The following SKI variants were observed in gnomAD, a reference collection of about 807,000 sequenced individuals.
SKI encodes the protein SKI proto-oncogene.
A neutral mutation model predicts 59.3 loss-of-function variants in SKI; 23 were observed. The observed-to-expected ratio is 0.39, with a 90% CI of 0.28 to 0.55. The LOEUF is 0.55. Ranked by LOEUF, SKI falls within the 20% of genes least tolerant of loss-of-function variation. The pLI is 0.67. For synonymous variants in SKI, 673 were observed against 488.6 expected, an observed-to-expected ratio of 1.38 and a Z score of -4.98; for missense variants, 1,017 against 1,038.9, an observed-to-expected ratio of 0.98 and a Z score of 0.29.
At position 2,229,012 on chromosome 1, in the gene SKI, G is replaced by A. The variant is rs1569657892; in HGVS notation, c.246G>A (p.Pro82=). The A allele has an allele frequency of 6.3e-7, 1 of 1,584,082 alleles. No individual in the cohort carries two copies. Among genetic ancestry groups the A allele is most frequent in the Non-Finnish European group, 8.5e-7 (1 of 1,172,048 alleles). Residue 82 remains proline, a synonymous_variant, in exon 1 of 7, where the codon CCG becomes CCA. Transcript: ENST00000378536. This position sits in a 1 kb window ranked among gnomAD's most constrained non-coding sequence, Gnocchi z 6.3. ...PVLHLPAIQP[P]PPVLPGPFFM... ...TGCACCTGCCCGCCATCCAGCCGCC[G>A]CCGCCCGTGCTGCCCGGGCCCTTCT...
At chr1:2,240,494 G>C in intron 1 of SKI, 1 of 985,440 alleles carries the variant, frequency 1.0e-6, no homozygotes, top group Non-Finnish European at 1.2e-6. Flanking sequence ...AGGTCCCGTG[G>C]GTGGTGGCGG....
chr1:2,304,868 C>T (rs1320536282), intron 5 of SKI, among the ~76,000 whole-genome samples: 3 of 152,220 alleles, frequency 2.0e-5, no homozygotes, highest in Non-Finnish European at 4.4e-5. Flanking sequence ...ACACACCCTG[C>T]GTGGTGGCCC....
Position 2,306,194 on chromosome 1 carries a change from C to G in SKI, c.1942C>G (p.Arg648Gly), listed in dbSNP as rs555623960. The change falls in exon 6 of 7, where the codon CGG becomes GGG. Residue 648 changes from arginine (R) to glycine (G), a missense_variant. Arg to Gly is a moderately radical substitution (Grantham distance 125). Coordinates refer to ENST00000378536, the MANE Select transcript of SKI (RefSeq NM_003036.4). The part of the protein sequence containing the change: ...KRELEQARQA[R>G]VCDKGCEAGR... ...GGAGCTGGAGCAGGCGCGGCAGGCC[C>G]GGGTGTGCGACAAGGGCTGCGAGGC... The G allele has an allele frequency of 6.1e-5, 96 of 1,583,316 alleles. No individual in the cohort carries two copies. The highest frequency in any genetic ancestry group is 1.1e-4 in the Admixed American group (6 of 55,018).
chr1:2,298,280 C>G (rs1424266667), intron 1 of SKI, among the ~76,000 whole-genome samples: 1 of 152,190 alleles, frequency 6.6e-6, no homozygotes, highest in African/African-American at 2.4e-5. Context: ...GCCCTCCTGA[C>G]AGGTTGCTGG....
At chr1:2,264,575 A>G (rs1446054147) in intron 1 of SKI, among the ~76,000 whole-genome samples, 1 of 150,932 alleles carries the variant, frequency 6.6e-6, no homozygotes, top group Non-Finnish European at 1.5e-5. Flanking sequence ...GGCCTGTTTT[A>G]TTTTTTTGTA....
At position 2,275,408 on chromosome 1, in the gene SKI, G is replaced by A. The variant is rs188451462; in HGVS notation, c.970-27570G>A. Among the ~76,000 whole-genome samples the A allele has an allele frequency of 2.6e-3, 393 of 152,362 alleles. 3 individuals are homozygous for A. The highest frequency in any genetic ancestry group is 8.8e-3 in the African/African-American group (367 of 41,594). On this transcript the variant is annotated intron_variant, in intron 1 of 6. Transcript: ENST00000378536. ...GGGGGCTTTTTAGGTGCTCTGAGGC[G>A]ATCTGGGTGTGGCCTGGCCGGTGTG... is the stretch of plus-strand genomic sequence containing the variant.
chr1:2,301,303 G>C (rs1025277272), intron 1 of SKI, among the ~76,000 whole-genome samples: 1 of 152,188 alleles, frequency 6.6e-6, no homozygotes, highest in Non-Finnish European at 1.5e-5. Context: ...CCACATAGAG[G>C]GGGTATTTTC....
Position 2,228,895 on chromosome 1 carries a change from G to T in SKI, c.129G>T (p.Ala43=). 7.0e-7 allele frequency: 1 copy of T among 1,422,160 alleles called. No individual in the cohort carries two copies. The highest frequency in any genetic ancestry group is 9.2e-7 in the Non-Finnish European group (1 of 1,083,604). 88.1% of individuals were successfully genotyped at this position (1,422,160 alleles called of 1,614,324 possible). A position where few individuals can be genotyped will look rare whatever the true frequency, so the allele number is the denominator to read the frequency against. Residue 43 remains alanine (A), a synonymous_variant, in exon 1 of 7, where the codon GCG becomes GCT. Coordinates refer to ENST00000378536, the MANE Select transcript of SKI (RefSeq NM_003036.4). ...GGPAAFSARW[A]QEAYKKESAK... The stretch of plus-strand genomic sequence containing the variant: ...CGGCCGCTTTCTCGGCGCGCTGGGC[G>T]CAGGAGGCCTACAAGAAGGAGAGCG...
At chr1:2,305,010 C>T (rs1326633738) in intron 5 of SKI, among the ~76,000 whole-genome samples, 1 of 152,230 alleles carries the variant, frequency 6.6e-6, no homozygotes, top group Non-Finnish European at 1.5e-5. Flanking sequence ...TTCACGCGCT[C>T]CGCCAGCAAG....
chr1:2,306,629 T>C lies in SKI; in HGVS notation c.2051T>C (p.Leu684Pro). 1 of 1,544,684 alleles carries C rather than the reference T, an allele frequency of 6.5e-7. No homozygotes were observed. Among genetic ancestry groups the C allele is most frequent in the Non-Finnish European group, 8.7e-7 (1 of 1,145,368 alleles). The part of the protein sequence containing the change: ...LQHAEADREQ[L>P]RADLLREREA... ...CACGCGGAGGCGGACCGGGAGCAGC[T>C]GCGGGCCGACCTGCTGCGGGAGCGC... The change falls in exon 7 of 7, where the codon CTG (leucine) becomes CCG (proline). Residue 684 changes from leucine to proline, a missense_variant. Transcript: ENST00000378536.
intron 1 of SKI, among the ~76,000 whole-genome samples, chr1:2,262,586 C>T (rs1214736992): frequency 6.6e-6 from 1 of 152,210 alleles, no homozygotes; most frequent in Non-Finnish European, 1.5e-5. Flanking sequence ...CGTGGACGCC[C>T]TTGCTCCTGA....
chr1:2,296,146 A>G (rs940138371), intron 1 of SKI, among the ~76,000 whole-genome samples: 2 of 151,982 alleles, frequency 1.3e-5, no homozygotes, highest in African/African-American at 2.4e-5. Flanking sequence ...TGGGAGGCCA[A>G]GGTGGGCAGA....
In SKI at chr1:2,229,854, C is replaced by A. The variant is rs2100791526; in HGVS notation, c.969+119C>A. ...GTGCTTCTGCCGTGCCCCATGTCTC[C>A]AGTCTTCGCTTTGTTTTAGGGAAAT... is the stretch of plus-strand genomic sequence containing the variant. On this transcript the variant is annotated intron_variant, in intron 1 of 6. Transcript: ENST00000378536. This position sits in a 1 kb window ranked among gnomAD's most constrained non-coding sequence, Gnocchi z 6.3. 1 of 1,506,070 alleles carries A rather than the reference C, an allele frequency of 6.6e-7. No homozygotes were observed. Among genetic ancestry groups the A allele is most frequent in the Middle Eastern group, 1.9e-4 (1 of 5,374 alleles). 93.3% of individuals were successfully genotyped at this position (1,506,070 alleles called of 1,614,324 possible).
chr1:2,292,221 C>T (rs1033731770), intron 1 of SKI, among the ~76,000 whole-genome samples: 8 of 152,224 alleles, frequency 5.3e-5, no homozygotes, highest in African/African-American at 1.9e-4. Context: ...CCTTGCCCTG[C>T]TCAGGGCTGC....
intron 1 of SKI, among the ~76,000 whole-genome samples, chr1:2,285,720 T>C (rs577031614): frequency 2.7e-5 from 4 of 146,326 alleles, no homozygotes; most frequent in Non-Finnish European, 6.0e-5. Context: ...CCCGCCACCA[T>C]GCCCAGCCAA....
chr1:2,275,061 G>A (rs1304339162), intron 1 of SKI, among the ~76,000 whole-genome samples: 1 of 152,158 alleles, frequency 6.6e-6, no homozygotes, highest in Non-Finnish European at 1.5e-5. Context: ...ACAGGGGGTG[G>A]CACCAGGTGT....
Position 2,306,431 on chromosome 1 carries a change from G to A in SKI, c.1999-146G>A, listed in dbSNP as rs1640581623. The A allele has an allele frequency of 1.4e-5, 14 of 1,000,458 alleles. No individual in the cohort carries two copies. In the South Asian group the frequency reaches 2.3e-4, roughly 16 times the overall value. 62.0% of individuals were successfully genotyped at this position (1,000,458 alleles called of 1,614,324 possible). On this transcript the variant is annotated intron_variant, in intron 6 of 6. Coordinates refer to ENST00000378536, the MANE Select transcript of SKI (RefSeq NM_003036.4). ...GGTTGCTGGGCCCTGCGTCTCGTGA[G>A]CCTGTGTCCTAGCAGGTGGAGGAGG...
chr1:2,264,196 C>G (rs1227166752), intron 1 of SKI, among the ~76,000 whole-genome samples: 3 of 152,160 alleles, frequency 2.0e-5, no homozygotes, highest in African/African-American at 7.2e-5. Flanking sequence ...CCCTTTGTTT[C>G]TGAAAGGTAT....
In SKI at chr1:2,306,797, A is replaced by T; in HGVS notation, c.*32A>T. The T allele has an allele frequency of 2.7e-6, 4 of 1,459,846 alleles. No homozygotes were observed. Among genetic ancestry groups the T allele is most frequent in the Non-Finnish European group, 3.6e-6 (4 of 1,107,592 alleles). The allele number at this position is 1,459,846 out of a possible 1,614,324, so 90.4% of individuals were successfully genotyped here. On this transcript the variant is annotated 3_prime_UTR_variant, in exon 7 of 7. Coordinates refer to ENST00000378536, the MANE Select transcript of SKI (RefSeq NM_003036.4). ...TGCCTGCCGCCGCAGCGCCGCCGAC[A>T]ACGCGGGTGCAGGGGGGCGCGGCTG...
Sources: gnomAD v4.1 joint callset for allele counts (sites outside exome capture counted in the v4.1 genomes callset) on GRCh38, gnomAD v4.1.1 for gene constraint, Gnocchi (gnomAD v3.1) non-coding constraint, MANE v1.5 for transcripts, NCBI Gene and HGNC (gene_info 2026-07-23, HGNC 2026-07-21) for gene names.